ANO6: variants seen among roughly 807,000 people sequenced by gnomAD.
ANO6 encodes the protein anoctamin-6.
ANO6 carries 106 observed loss-of-function variants against 117.5 expected under a neutral mutation model. That is an observed-to-expected ratio of 0.90 (90% CI 0.77 to 1.06). ANO6 has a LOEUF of 1.06. Among genes scored for constraint, ANO6 ranks in the 50% least tolerant of loss-of-function variants. ANO6 has a pLI of 0.00. For missense variants in ANO6, 955 were observed against 1,121.1 expected (o/e 0.85, Z 2.12); for synonymous variants, 367 against 385.1 (o/e 0.95, Z 0.55).
At chr12:45,241,445 A>G (rs1208093333) in intron 1 of ANO6, among the ~76,000 whole-genome samples, 1 of 152,204 alleles carries the variant, frequency 6.6e-6, no homozygotes, top group Non-Finnish European at 1.5e-5. Flanking sequence ...CTAGTTAGCC[A>G]TTCATCTAAC....
intron 2 of ANO6, among the ~76,000 whole-genome samples, chr12:45,328,977 A>G (rs1224105988): frequency 1.3e-5 from 2 of 152,172 alleles, no homozygotes; most frequent in Non-Finnish European, 2.9e-5. Flanking sequence ...CATTAACCCA[A>G]ATGAGCCTGG....
At chr12:45,295,022 A>G (rs933202317) in intron 1 of ANO6, among the ~76,000 whole-genome samples, 1 of 152,244 alleles carries the variant, frequency 6.6e-6, no homozygotes, top group African/African-American at 2.4e-5. Flanking sequence ...AGGCATTATA[A>G]TCTGCATTTT....
At chr12:45,232,787 GGAA>G (rs1947592354) in intron 1 of ANO6, among the ~76,000 whole-genome samples, 1 of 152,158 alleles carries the variant, frequency 6.6e-6, no homozygotes, top group East Asian at 1.9e-4. Context: ...GCCCTGGGTT[GGAA>G]GGCAACAAAA....
chr12:45,365,803 A>G (rs948575253), intron 8 of ANO6, among the ~76,000 whole-genome samples: 1 of 147,322 alleles, frequency 6.8e-6, no homozygotes, highest in Non-Finnish European at 1.5e-5. Flanking sequence ...TGCTCCTCAG[A>G]TGACATCAAG....
In ANO6 at chr12:45,376,649, C is replaced by G. The variant is rs527748613; in HGVS notation, c.1105-1404C>G. ...TTCTCACTCATAGGTAGGAATTGAA[C>G]AATGAGATCACATGGACACAGGAAG... On this transcript the variant is annotated intron_variant, in intron 9 of 19. Coordinates refer to ENST00000320560, the MANE Select transcript of ANO6 (RefSeq NM_001025356.3). 3.2e-4 allele frequency among the ~76,000 whole-genome samples: 46 copies of G among 144,512 alleles called. 2 individuals carry two copies. The South Asian group carries it at 9.7e-3, about 31-fold the overall frequency. The allele number at this position is 144,512 out of a possible 152,430, so 94.8% of individuals were successfully genotyped here.
intron 10 of ANO6, among the ~76,000 whole-genome samples, chr12:45,382,468 C>T (rs760959810): frequency 1.6e-4 from 24 of 152,186 alleles, no homozygotes; most frequent in Middle Eastern, 6.8e-3. Flanking sequence ...AGAAGAGTAC[C>T]CATGATAATT....
chr12:45,357,862 T>A (rs1249992200), intron 8 of ANO6, among the ~76,000 whole-genome samples: 2 of 152,208 alleles, frequency 1.3e-5, no homozygotes, highest in East Asian at 3.8e-4. Flanking sequence ...AAATGATTTC[T>A]TACTACTAAA....
chr12:45,224,505 C>G (rs1031283344), intron 1 of ANO6, among the ~76,000 whole-genome samples: 1 of 152,184 alleles, frequency 6.6e-6, no homozygotes, highest in Non-Finnish European at 1.5e-5. Flanking sequence ...CTCAAACTCT[C>G]TTTTAGAATA....
chr12:45,243,148 C>A (rs1947771510), intron 1 of ANO6, among the ~76,000 whole-genome samples: 2 of 152,130 alleles, frequency 1.3e-5, no homozygotes, highest in African/African-American at 4.8e-5. Context: ...GAGACCCAAT[C>A]TCTACTAAAA....
chr12:45,403,320 G>A, intron 14 of ANO6, 79 bp downstream of exon 14: 1 of 1,552,222 alleles, frequency 6.4e-7, no homozygotes, highest in Admixed American at 1.7e-5. Context: ...GTTTTTTATT[G>A]TAAATTCCTT....
intron 1 of ANO6, among the ~76,000 whole-genome samples, chr12:45,217,798 T>C (rs1449845706): frequency 6.6e-6 from 1 of 152,220 alleles, no homozygotes; most frequent in Non-Finnish European, 1.5e-5. Context: ...GAGTGAAATT[T>C]AAAAAGTTAC....
intron 1 of ANO6, among the ~76,000 whole-genome samples, chr12:45,258,586 C>T (rs2137205006): frequency 6.6e-6 from 1 of 152,222 alleles, no homozygotes; most frequent in South Asian, 2.1e-4. Context: ...TATTTAGTCA[C>T]CACGAATCCT....
At chr12:45,325,237 A>G (rs1331316193) in intron 2 of ANO6, among the ~76,000 whole-genome samples, 1 of 152,204 alleles carries the variant, frequency 6.6e-6, no homozygotes, top group Non-Finnish European at 1.5e-5. Flanking sequence ...GATTGGAGCT[A>G]TTTCTTTAAA....
intron 1 of ANO6, among the ~76,000 whole-genome samples, chr12:45,231,474 G>A (rs1264254609): frequency 1.3e-5 from 2 of 152,156 alleles, no homozygotes; most frequent in Non-Finnish European, 2.9e-5. Context: ...ATTTGGGTAG[G>A]TGAGAGCAAA....
intron 8 of ANO6, 151 bp downstream of exon 8, chr12:45,357,575 C>A: frequency 9.2e-7 from 1 of 1,082,188 alleles, no homozygotes; most frequent in Non-Finnish European, 1.3e-6. Flanking sequence ...AGCACAATAA[C>A]TGAGTGAAAT....
At chr12:45,226,426 G>GA (rs10652406) in intron 1 of ANO6, among the ~76,000 whole-genome samples, 2,513 of 149,888 alleles carry the variant, frequency 0.017, 40 homozygotes, top group South Asian at 0.071. Flanking sequence ...ACTTGAAATT[G>GA]AAAAAAAAAG....
At chr12:45,301,979 A>C (rs756702916) in intron 1 of ANO6, 35 bp from the exon 2 acceptor site, 4 of 1,588,300 alleles carry the variant, frequency 2.5e-6, no homozygotes, top group East Asian at 2.2e-5. Context: ...GTGCAGGTTC[A>C]TGCTTCATTT....
chr12:45,349,188 T>C (rs982760987), intron 6 of ANO6, among the ~76,000 whole-genome samples: 2 of 152,200 alleles, frequency 1.3e-5, no homozygotes, highest in Non-Finnish European at 2.9e-5. Context: ...GTCAGCAAAA[T>C]ACATGTTAGA....
Position 45,408,915 on chromosome 12 carries a change from C to T in ANO6, c.1881-442C>T, listed in dbSNP as rs533554903. On this transcript the variant is annotated intron_variant, in intron 15 of 19. Transcript: ENST00000320560. ...TCTGAAGGAGACCTTCACTGGCCAC[C>T]TCCCTAGACACAAATGCAAGCACTC... 1.9e-3 allele frequency among the ~76,000 whole-genome samples: 295 copies of T among 152,238 alleles called. 1 individual carries two copies. The highest frequency in any genetic ancestry group is 6.7e-3 in the African/African-American group (278 of 41,548).
Sources: allele counts gnomAD v4.1 joint callset (sites outside exome capture counted in the v4.1 genomes callset), GRCh38; gene constraint gnomAD v4.1.1; transcripts MANE v1.5; gene names NCBI Gene and HGNC (gene_info 2026-07-23, HGNC 2026-07-21).